TENM3: variants seen among roughly 807,000 people sequenced by gnomAD.
TENM3 encodes the protein teneurin-3.
In TENM3, 63 loss-of-function variants were observed where a neutral mutation model predicts 255.1. The ratio of observed to expected loss-of-function variants is 0.25; its 90% confidence interval spans 0.20 to 0.30. TENM3 has a LOEUF of 0.30. Ranked by LOEUF, TENM3 falls within the 10% of genes least tolerant of loss-of-function variation. The pLI is 1.00. For missense variants in TENM3, 2,929 were observed against 3,461.1 expected, an observed-to-expected ratio of 0.85 and a Z score of 3.86; for synonymous variants, 1,306 against 1,322.3, an observed-to-expected ratio of 0.99 and a Z score of 0.27.
chr4:182,040,406 G>A, the TENM3 span, among the ~76,000 whole-genome samples: 1 of 152,140 alleles, frequency 6.6e-6, no homozygotes, highest in Admixed American at 6.5e-5. Flanking sequence ...TATCTTCTGT[G>A]CCTTCCTGAC....
the TENM3 span, among the ~76,000 whole-genome samples, chr4:181,625,709 G>A: frequency 6.6e-6 from 1 of 151,974 alleles, no homozygotes; most frequent in Non-Finnish European, 1.5e-5. Flanking sequence ...AGCCACTCGG[G>A]AGACTGAAGA....
chr4:182,640,936 G>C (rs1326170458), intron 5 of TENM3, among the ~76,000 whole-genome samples: 5 of 152,168 alleles, frequency 3.3e-5, no homozygotes, highest in Non-Finnish European at 7.4e-5. Context: ...ATGGGAGACT[G>C]ATGTCCTCTG....
At chr4:181,679,299 G>A in the TENM3 span, among the ~76,000 whole-genome samples, 7 of 152,052 alleles carry the variant, frequency 4.6e-5, no homozygotes, top group Admixed American at 1.3e-4. Context: ...TGGAATCTCT[G>A]TGAGTCTGCT....
the TENM3 span, among the ~76,000 whole-genome samples, chr4:182,095,409 A>T: frequency 6.6e-6 from 1 of 152,232 alleles, no homozygotes; most frequent in African/African-American, 2.4e-5. Context: ...GGATGGAACT[A>T]AAGGACATTT....
intron 6 of TENM3, among the ~76,000 whole-genome samples, chr4:182,669,794 A>G (rs1755051830): frequency 6.6e-6 from 1 of 152,182 alleles, no homozygotes; most frequent in Non-Finnish European, 1.5e-5. Context: ...ATGGTTTTGG[A>G]ATTCTGCAGA....
At position 182,730,211 on chromosome 4, in the gene TENM3, T is replaced by C; in HGVS notation, c.2597T>C (p.Val866Ala). The C allele has an allele frequency of 6.2e-7, 1 of 1,613,826 alleles. No homozygotes were observed. Among genetic ancestry groups the C allele is most frequent in the Non-Finnish European group, 8.5e-7 (1 of 1,179,798 alleles). ...ESPFNKSLAS[V>A]IRGQVLTADG... ...TGCTTTTCCAACAGCCTTGCATCTG[T>C]CATCAGAGGCCAAGTACTGACTGCT... The change falls in exon 15 of 28, where the codon GTC becomes GCC. Residue 866 changes from valine to alanine, a missense_variant. Coordinates refer to ENST00000511685, the MANE Select transcript of TENM3 (RefSeq NM_001080477.4).
At chr4:181,916,759 C>T in the TENM3 span, among the ~76,000 whole-genome samples, 1 of 152,076 alleles carries the variant, frequency 6.6e-6, no homozygotes, top group Non-Finnish European at 1.5e-5. Flanking sequence ...TGCTCGTAAT[C>T]CCAGCTACTT....
At chr4:181,476,450 AG>A in the TENM3 span, among the ~76,000 whole-genome samples, 2 of 152,080 alleles carry the variant, frequency 1.3e-5, no homozygotes, top group Non-Finnish European at 1.5e-5. Flanking sequence ...ATTTATTTAT[AG>A]GGTGTGATAA....
chr4:181,629,414 C>T, the TENM3 span, among the ~76,000 whole-genome samples: 7 of 152,102 alleles, frequency 4.6e-5, no homozygotes, highest in Non-Finnish European at 2.9e-5. Flanking sequence ...TGTCTTGTGC[C>T]AGTTTTCAAA....
the TENM3 span, among the ~76,000 whole-genome samples, chr4:181,611,199 C>T: frequency 1.3e-5 from 2 of 152,152 alleles, no homozygotes; most frequent in African/African-American, 4.8e-5. Context: ...AGAGCCCAGA[C>T]GTTTCTGGTT....
chr4:181,684,503 A>G, the TENM3 span, among the ~76,000 whole-genome samples: 1 of 152,178 alleles, frequency 6.6e-6, no homozygotes, highest in East Asian at 1.9e-4. Flanking sequence ...TTTTAAAGTA[A>G]AGGAATGTGA....
rs140828252 is a variant in TENM3 at position 182,757,390 on chromosome 4, G to C, written c.4892+2131G>C. Among the ~76,000 whole-genome samples the C allele has an allele frequency of 8.8e-3, 1,335 of 151,832 alleles. 26 individuals carry two copies. Among genetic ancestry groups the C allele is most frequent in the African/African-American group, 0.03 (1,224 of 41,386 alleles). ...GTAGGGTTTCAGTTTAGTTGAAAGTGGGGGAAACATAGAGAAATAAGTTTT... is the reference window on the plus strand; with the variant it reads ...GTAGGGTTTCAGTTTAGTTGAAAGTCGGGGAAACATAGAGAAATAAGTTTT... On this transcript the variant is annotated intron_variant, in intron 22 of 27. Coordinates refer to ENST00000511685, the MANE Select transcript of TENM3 (RefSeq NM_001080477.4).
At position 182,237,405 on chromosome 4, in the gene TENM3, G is replaced by A. The variant is rs147550411; in HGVS notation, c.-75-86541G>A. Among the ~76,000 whole-genome samples the A allele has an allele frequency of 7.0e-3, 1,011 of 144,068 alleles. 10 individuals carry two copies. The highest frequency in any genetic ancestry group is 0.025 in the Middle Eastern group (7 of 282). 94.5% of individuals were successfully genotyped at this position (144,068 alleles called of 152,430 possible). ...TTTTGAAACGGAGTCTCACTCTGTC[G>A]CCTAGGCTGGGGTGCAATGGTGCTA... On this transcript the variant is annotated intron_variant, in intron 1 of 2. Coordinates refer to the TENM3 transcript ENST00000512480.
the TENM3 span, among the ~76,000 whole-genome samples, chr4:181,799,110 T>A: frequency 2.0e-5 from 3 of 152,210 alleles, no homozygotes; most frequent in Non-Finnish European, 4.4e-5. Context: ...TTAGAAACAA[T>A]AATTCCTCAA....
At chr4:182,488,901 A>G (rs1276505713) in intron 3 of TENM3, among the ~76,000 whole-genome samples, 7 of 152,152 alleles carry the variant, frequency 4.6e-5, no homozygotes, top group African/African-American at 1.7e-4. Flanking sequence ...GCAAGGGGTG[A>G]GGAACTGAAG....
intron 14 of TENM3, among the ~76,000 whole-genome samples, chr4:182,729,752 C>G (rs1760538291): frequency 1.3e-5 from 2 of 152,138 alleles, no homozygotes; most frequent in Admixed American, 6.5e-5. Context: ...CAGTTATAGC[C>G]AGCAGTTGAT....
At chr4:182,743,737 TAG>T (rs1195459731) in intron 19 of TENM3, among the ~76,000 whole-genome samples, 1 of 152,208 alleles carries the variant, frequency 6.6e-6, no homozygotes, top group Non-Finnish European at 1.5e-5. Flanking sequence ...CCCTGTGACA[TAG>T]GTGTAGCTCT....
chr4:181,874,071 C>G, the TENM3 span, among the ~76,000 whole-genome samples: 21 of 152,092 alleles, frequency 1.4e-4, no homozygotes, highest in African/African-American at 4.8e-4. Context: ...GCGTGAGCCA[C>G]CGAGCCCAGC....
Position 182,684,957 on chromosome 4 carries a change from C to A in TENM3, c.2035+2943C>A, listed in dbSNP as rs546869361. Among the ~76,000 whole-genome samples the A allele has an allele frequency of 7.2e-5, 11 of 152,232 alleles. No individual in the cohort carries two copies. The South Asian group carries it at 2.3e-3, about 32-fold the overall frequency. ...TGCTGTTTCCTGGCCTTTTGAGAAG[C>A]TTGGGTGACATCTCTGCTGCCCTAT... is the stretch of plus-strand genomic sequence containing the variant. On this transcript the variant is annotated intron_variant, in intron 11 of 27. Coordinates refer to ENST00000511685, the MANE Select transcript of TENM3 (RefSeq NM_001080477.4).
Sources: allele counts gnomAD v4.1 joint callset (sites outside exome capture counted in the v4.1 genomes callset), GRCh38; gene constraint gnomAD v4.1.1; transcripts MANE v1.5; gene names NCBI Gene and HGNC (gene_info 2026-07-23, HGNC 2026-07-21).